Variants in DLG2 observed in about 807,000 individuals in gnomAD.
The protein encoded by DLG2 is disks large homolog 2.
In DLG2, 45 loss-of-function variants were observed where a neutral mutation model predicts 132.5. That is an observed-to-expected ratio of 0.34 (90% CI 0.27 to 0.44). The LOEUF is 0.44. DLG2 is among the 20% of genes least tolerant of loss of function. The probability of loss-of-function intolerance (pLI) is 1.00; values close to 1 mark genes in which losing one functional copy is unlikely to be tolerated. For synonymous variants in DLG2, 424 were observed against 419.6 expected, an observed-to-expected ratio of 1.01 and a Z score of -0.13; for missense variants, 1,045 against 1,196.9, an observed-to-expected ratio of 0.87 and a Z score of 1.87.
chr11:84,797,815 T>G (rs2051527612), intron 6 of DLG2, among the ~76,000 whole-genome samples: 1 of 152,182 alleles, frequency 6.6e-6, no homozygotes, highest in African/African-American at 2.4e-5. Flanking sequence ...TTTCTTGTAT[T>G]CTTCACAATT....
At chr11:84,516,978 AC>A (rs1164750422) in intron 7 of DLG2, among the ~76,000 whole-genome samples, 2 of 148,218 alleles carry the variant, frequency 1.3e-5, no homozygotes, top group Non-Finnish European at 3.0e-5. Context: ...GTACCCTAAA[AC>A]TTAAAGTATA....
chr11:85,442,598 G>A (rs1018367313), intron 3 of DLG2, among the ~76,000 whole-genome samples: 140 of 152,100 alleles, frequency 9.2e-4, no homozygotes, highest in African/African-American at 3.1e-3. Flanking sequence ...ACAATGGCTC[G>A]TGCCTGTAAT....
intron 6 of DLG2, among the ~76,000 whole-genome samples, chr11:85,050,127 C>CAA (rs946340344): frequency 6.7e-6 from 1 of 149,486 alleles, no homozygotes; most frequent in Non-Finnish European, 1.5e-5. Context: ...ATCACACACA[C>CAA]ACACACACAC....
intron 3 of DLG2, among the ~76,000 whole-genome samples, chr11:85,427,629 C>T (rs2153006050): frequency 6.6e-6 from 1 of 152,268 alleles, no homozygotes; most frequent in South Asian, 2.1e-4. Flanking sequence ...GAAGGAAGCA[C>T]TAAACATGGA....
chr11:85,416,739 T>C (rs1306426796), intron 3 of DLG2, among the ~76,000 whole-genome samples: 1 of 152,218 alleles, frequency 6.6e-6, no homozygotes, highest in East Asian at 1.9e-4. Context: ...TTTGGCTCTC[T>C]GTTTGTCTAT....
intron 8 of DLG2, among the ~76,000 whole-genome samples, chr11:84,230,312 T>C (rs1181850009): frequency 6.6e-6 from 1 of 152,190 alleles, no homozygotes; most frequent in Non-Finnish European, 1.5e-5. Flanking sequence ...ACAACTATAA[T>C]TATCTGTTGT....
chr11:84,493,729 GATA>G (rs748176334), intron 7 of DLG2, among the ~76,000 whole-genome samples: 1 of 151,964 alleles, frequency 6.6e-6, no homozygotes, highest in Non-Finnish European at 1.5e-5. Flanking sequence ...GTAAAATGAG[GATA>G]ATAATCTCTA....
In DLG2 at chr11:84,885,441, C is replaced by A. The variant is rs564902049; in HGVS notation, c.357+226220G>T. ...CCTCAAACTCCTGGGCTCAAGTGAT[C>A]CTCCTGCCTCAGCCTCCCAAAGTGT... On this transcript the variant is annotated intron_variant, in intron 6 of 27. Coordinates refer to ENST00000376104, the MANE Select transcript of DLG2 (RefSeq NM_001142699.3). 1.3e-4 allele frequency among the ~76,000 whole-genome samples: 20 copies of A among 152,116 alleles called. 1 individual carries two copies. The highest frequency in any genetic ancestry group is 4.1e-4 in the African/African-American group (17 of 41,532).
At chr11:84,106,990 G>A (rs1444328049) in intron 9 of DLG2, among the ~76,000 whole-genome samples, 1 of 53,280 alleles carries the variant, frequency 1.9e-5, no homozygotes, top group Non-Finnish European at 5.6e-5. Context: ...GTGTGTGTGT[G>A]TGTGTGTGTG....
At chr11:85,071,016 G>A (rs1178298865) in intron 6 of DLG2, among the ~76,000 whole-genome samples, 3 of 151,788 alleles carry the variant, frequency 2.0e-5, no homozygotes, top group South Asian at 2.1e-4. Flanking sequence ...TTTAATCTGT[G>A]TGACCTTGGG....
chr11:85,083,759 A>G (rs2067545458), intron 6 of DLG2, among the ~76,000 whole-genome samples: 1 of 152,148 alleles, frequency 6.6e-6, no homozygotes, highest in African/African-American at 2.4e-5. Context: ...CAAGGTTTTC[A>G]TTATGCAGAT....
At chr11:84,701,601 G>A (rs2059234604) in intron 6 of DLG2, among the ~76,000 whole-genome samples, 1 of 151,566 alleles carries the variant, frequency 6.6e-6, no homozygotes, top group Non-Finnish European at 1.5e-5. Context: ...GAATTTGGAA[G>A]TGTTTGAGCT....
chr11:85,263,811 G>A (rs866115510), intron 4 of DLG2, among the ~76,000 whole-genome samples: 3 of 152,150 alleles, frequency 2.0e-5, no homozygotes, highest in Non-Finnish European at 2.9e-5. Flanking sequence ...GTCCCCATAC[G>A]GGTCACCAAA....
intron 4 of DLG2, among the ~76,000 whole-genome samples, chr11:85,217,553 C>T (rs561062962): frequency 1.3e-5 from 2 of 152,276 alleles, no homozygotes; most frequent in African/African-American, 4.8e-5. Context: ...TTCTGAACTA[C>T]CAGTTGATTT....
At chr11:85,270,431 A>C (rs891469500) in intron 4 of DLG2, among the ~76,000 whole-genome samples, 8 of 152,192 alleles carry the variant, frequency 5.3e-5, no homozygotes, top group Non-Finnish European at 1.2e-4. Flanking sequence ...TGTCTGGTAC[A>C]TCTTTATCAG....
intron 7 of DLG2, among the ~76,000 whole-genome samples, chr11:84,300,155 A>G (rs986726274): frequency 1.1e-4 from 16 of 152,082 alleles, no homozygotes; most frequent in Non-Finnish European, 1.6e-4. Context: ...AAAATAGGAA[A>G]TTTCCAGGAT....
At chr11:84,239,484 G>A (rs1021057582) in intron 8 of DLG2, among the ~76,000 whole-genome samples, 3 of 152,008 alleles carry the variant, frequency 2.0e-5, no homozygotes, top group Non-Finnish European at 4.4e-5. Context: ...GCCCAGCCTG[G>A]AATTTAAAGA....
chr11:85,117,012 C>T (rs2073696279), intron 5 of DLG2, among the ~76,000 whole-genome samples: 2 of 151,976 alleles, frequency 1.3e-5, no homozygotes, highest in African/African-American at 4.8e-5. Flanking sequence ...TTGACTCTCA[C>T]CTAAGAAGCT....
chr11:83,951,385 C>A (rs1001835063), intron 14 of DLG2, among the ~76,000 whole-genome samples: 2 of 151,870 alleles, frequency 1.3e-5, no homozygotes, highest in South Asian at 2.1e-4. Flanking sequence ...AGACAACAAA[C>A]AAATACTCAA....
Sources: gnomAD v4.1 joint callset for allele counts (sites outside exome capture counted in the v4.1 genomes callset) on GRCh38, gnomAD v4.1.1 for gene constraint, MANE v1.5 for transcripts, NCBI Gene and HGNC (gene_info 2026-07-23, HGNC 2026-07-21) for gene names.